Variants in TCOF1 observed in about 807,000 individuals in gnomAD.
The protein encoded by TCOF1 is treacle protein.
TCOF1 carries 33 observed loss-of-function variants against 149.0 expected under a neutral mutation model. That is an observed-to-expected ratio of 0.22 (90% confidence interval 0.17 to 0.30). TCOF1 has a LOEUF of 0.30. Ranked by LOEUF, TCOF1 falls within the 10% of genes least tolerant of loss-of-function variation. The pLI, the probability that TCOF1 is intolerant of heterozygous loss-of-function variation, is 1.00. For synonymous variants in TCOF1, 789 were observed against 738.8 expected, an observed-to-expected ratio of 1.07 and a Z score of -1.10; for missense variants, 1,728 against 1,840.7, an observed-to-expected ratio of 0.94 and a Z score of 1.12.
At chr5:150,383,213 G>T (rs1315675500) in intron 17 of TCOF1, 7 of 1,509,638 alleles carry the variant, frequency 4.6e-6, no homozygotes, top group Non-Finnish European at 5.3e-6. Context: ...CAGGATCAGA[G>T]CTGGGCTGGC....
intron 24 of TCOF1, 135 bp from the exon 25 acceptor site, chr5:150,398,219 G>T (rs1020028127): frequency 3.2e-6 from 5 of 1,556,568 alleles, no homozygotes; most frequent in Non-Finnish European, 2.6e-6. Flanking sequence ...TCCACGCCCC[G>T]CCCTGCTGGC....
At chr5:150,396,176 T>G in intron 23 of TCOF1, 106 bp from the exon 24 acceptor site, 1 of 1,300,504 alleles carries the variant, frequency 7.7e-7, no homozygotes, top group Non-Finnish European at 1.1e-6. Context: ...TCTGTGCCAT[T>G]GTAAGAAAAG....
intron 20 of TCOF1, 56 bp from the exon 21 acceptor site, chr5:150,391,901 C>T (rs1767516427): frequency 1.3e-6 from 2 of 1,563,710 alleles, no homozygotes; most frequent in African/African-American, 2.7e-5. Flanking sequence ...TCAGGAAGGA[C>T]CAGGTCTTAC....
chr5:150,399,447 G>A (rs1464648307), intron 26 of TCOF1, among the ~76,000 whole-genome samples: 2 of 152,082 alleles, frequency 1.3e-5, no homozygotes, highest in Admixed American at 6.5e-5. Context: ...ATTTCCTTTT[G>A]GGAAGGAAGA....
intron 6 of TCOF1, 51 bp downstream of exon 6, chr5:150,369,653 C>G (rs776407491): frequency 1.9e-6 from 3 of 1,598,366 alleles, no homozygotes; most frequent in South Asian, 1.1e-5. Flanking sequence ...TCTAACCCTT[C>G]CAGGAACCTG....
Position 150,375,874 on chromosome 5 carries a change from A to G in TCOF1, c.1858A>G (p.Ser620Gly), listed in dbSNP as rs1763668940. 2 of 1,614,024 alleles carry G rather than the reference A, an allele frequency of 1.2e-6. No homozygotes were observed. The highest frequency in any genetic ancestry group is 1.7e-5 in the Admixed American group (1 of 60,012). ...SSEESSDSAD[S>G]EEAPAAMTAA... ...CGAGGAGTCATCGGACAGTGCGGAC[A>G]GTGAGGAGGCACCAGCAGCCATGAC... Residue 620 changes from serine to glycine, a missense_variant, in exon 12 of 27, where the codon AGT (serine) becomes GGT (glycine). Ser to Gly is a moderately conservative substitution (Grantham distance 56). This residue lies in a region of TCOF1 where 1,696 missense variants were observed against 1,765.4 expected (regional missense o/e 0.96). Coordinates refer to ENST00000643257, the MANE Select transcript of TCOF1 (RefSeq NM_001371623.1).
intron 3 of TCOF1, among the ~76,000 whole-genome samples, chr5:150,365,253 C>CTTTTTTTTTTTT (rs991524826): frequency 1.7e-5 from 2 of 116,494 alleles, no homozygotes; most frequent in Non-Finnish European, 3.7e-5. Context: ...CTTTTTCTTT[C>CTTTTTTTTTTTT]TTTTTTTTTT....
At chr5:150,380,351 C>T (rs200818890) in intron 17 of TCOF1, 74 of 161,340 alleles carry the variant, frequency 4.6e-4, no homozygotes, top group Middle Eastern at 6.6e-3. Context: ...GACCAAGAAT[C>T]TACATGTTAG....
At chr5:150,372,717 C>T (rs1225354283) in intron 7 of TCOF1, among the ~76,000 whole-genome samples, 1 of 128,498 alleles carries the variant, frequency 7.8e-6, no homozygotes, top group East Asian at 2.3e-4. Flanking sequence ...CCACCCAGCC[C>T]CAGGCCTGGG....
chr5:150,387,060 G>A (rs1380579481), intron 17 of TCOF1, among the ~76,000 whole-genome samples: 3 of 152,116 alleles, frequency 2.0e-5, no homozygotes, highest in South Asian at 4.1e-4. Flanking sequence ...GTTCCCCAAC[G>A]CCCCTGGATT....
chr5:150,376,848 G>T (rs554128265), intron 14 of TCOF1, among the ~76,000 whole-genome samples: 1 of 152,334 alleles, frequency 6.6e-6, no homozygotes, highest in East Asian at 1.9e-4. Context: ...TTGATTCCCT[G>T]TGGTTTTCAC....
rs1326018367 is a variant in TCOF1, at chr5:150,391,662, G to A, written c.3297+5G>A. The A allele has an allele frequency of 6.2e-7, 1 of 1,612,442 alleles. No homozygotes were observed. Among genetic ancestry groups the A allele is most frequent in the Non-Finnish European group, 8.5e-7 (1 of 1,179,258 alleles). On this transcript the variant is annotated splice_donor_5th_base_variant and intron_variant, in intron 20 of 26. Coordinates refer to ENST00000643257, the MANE Select transcript of TCOF1 (RefSeq NM_001371623.1). ...AGGACCCAGCCTTCAAGTGGGGTGA[G>A]CTTGGGGAGCCAGGGGAAGCAAGCC...
chr5:150,374,574 A>G, intron 8 of TCOF1, 43 bp from the exon 9 acceptor site: 1 of 1,611,958 alleles, frequency 6.2e-7, no homozygotes, highest in Non-Finnish European at 8.5e-7. Context: ...GTCTCCTCAC[A>G]CGTCCATCCT....
At chr5:150,396,925 T>A in intron 24 of TCOF1, 83 bp downstream of exon 24, 2 of 1,465,684 alleles carry the variant, frequency 1.4e-6, no homozygotes, top group Non-Finnish European at 1.9e-6. Flanking sequence ...CAGCACCTGG[T>A]CTCATTCCTC....
chr5:150,376,167 G>A lies in TCOF1; in HGVS notation c.1979G>A (p.Arg660Gln), dbSNP rs766391641. The change falls in exon 13 of 27, where the codon CGA (arginine) becomes CAA (glutamine). Residue 660 changes from arginine to glutamine, a missense_variant. By Grantham distance (43) the Arg-to-Gln change is conservative. Transcript: ENST00000643257. ...TTASAKVAPV[R>Q]VGTQAPRKAG... ...GCATCTGCCAAGGTCGCCCCTGTGC[G>A]AGTGGGCACCCAAGCCCCCCGGAAA... The A allele has an allele frequency of 3.2e-5, 52 of 1,614,116 alleles. No individual in the cohort carries two copies. The highest frequency in any genetic ancestry group is 2.9e-4 in the East Asian group (13 of 44,900).
intron 6 of TCOF1, among the ~76,000 whole-genome samples, chr5:150,370,160 T>G (rs894084664): frequency 6.6e-6 from 1 of 152,090 alleles, no homozygotes; most frequent in African/African-American, 2.4e-5. Flanking sequence ...CTGGGGAATA[T>G]AGTGATGAGC....
Position 150,367,845 on chromosome 5 carries a change from C to G in TCOF1, c.306C>G (p.Thr102=), listed in dbSNP as rs1761692723. The G allele has an allele frequency of 6.2e-7, 1 of 1,614,114 alleles. No individual in the cohort carries two copies. Among genetic ancestry groups the G allele is most frequent in the Non-Finnish European group, 8.5e-7 (1 of 1,180,014 alleles). Residue 102 remains threonine, a splice_region_variant and synonymous_variant, in exon 4 of 27, where the codon ACC becomes ACG. Coordinates refer to ENST00000643257, the MANE Select transcript of TCOF1 (RefSeq NM_001371623.1). ...TTAGCAGATGTTTGTTTCTTGCAGCCCCAAGACTAGCATCTACCAACTCCT... is the reference window on the plus strand; with the variant it reads ...TTAGCAGATGTTTGTTTCTTGCAGCGCCAAGACTAGCATCTACCAACTCCT... ...EEAEAETAKA[T]PRLASTNSSV...
chr5:150,371,995 T>C lies in TCOF1; in HGVS notation c.640-11T>C. The C allele has an allele frequency of 6.2e-7, 1 of 1,609,642 alleles. No individual in the cohort carries two copies. The highest frequency in any genetic ancestry group is 1.1e-5 in the South Asian group (1 of 91,006). On this transcript the variant is annotated splice_polypyrimidine_tract_variant and intron_variant, in intron 6 of 26. Coordinates refer to ENST00000643257, the MANE Select transcript of TCOF1 (RefSeq NM_001371623.1). Reference sequence around the variant, plus strand: ...TATTATTCATTTTCTAATTCCATCCTCTTGTTCCAGGGGAAACCCTCAGTA... The same window carrying C: ...TATTATTCATTTTCTAATTCCATCCCCTTGTTCCAGGGGAAACCCTCAGTA...
intron 7 of TCOF1, among the ~76,000 whole-genome samples, chr5:150,373,951 G>A (rs1763111174): frequency 6.6e-6 from 1 of 152,146 alleles, no homozygotes; most frequent in African/African-American, 2.4e-5. Context: ...TAAGTGAAAT[G>A]GAACAGGGGG....
Sources: gnomAD v4.1 joint callset for allele counts (sites outside exome capture counted in the v4.1 genomes callset) on GRCh38, gnomAD v4.1.1 for gene constraint, gnomAD v4.1.1 regional missense constraint, MANE v1.5 for transcripts, NCBI Gene and HGNC (gene_info 2026-07-23, HGNC 2026-07-21) for gene names.